The following DCAF1 variants were observed in gnomAD, a reference collection of about 807,000 sequenced individuals.
The protein encoded by DCAF1 is DDB1 and CUL4 associated factor 1, also known as DDB1- and CUL4-associated factor 1.
In DCAF1, 15 loss-of-function variants were observed where a neutral mutation model predicts 128.0. The ratio of observed to expected loss-of-function variants is 0.12; its 90% CI spans 0.08 to 0.18. DCAF1 has a LOEUF of 0.18. Ranked by LOEUF, DCAF1 falls within the 10% of genes least tolerant of loss-of-function variation. DCAF1 has a pLI of 1.00. For missense variants in DCAF1, 988 were observed against 1,649.5 expected (o/e 0.60, Z 6.95); for synonymous variants, 610 against 603.0 (o/e 1.01, Z -0.17).
At chr3:51,409,230 A>G (rs782064533) in intron 23 of DCAF1, among the ~76,000 whole-genome samples, 8 of 152,204 alleles carry the variant, frequency 5.3e-5, no homozygotes, top group Non-Finnish European at 7.3e-5. Context: ...GGATAAGAGG[A>G]GTATAACTCT....
At chr3:51,428,632 G>A (rs1437298712) in intron 12 of DCAF1, among the ~76,000 whole-genome samples, 1 of 152,138 alleles carries the variant, frequency 6.6e-6, no homozygotes, top group African/African-American at 2.4e-5. Context: ...ATAGTGAAGT[G>A]GAGTTATAAA....
rs781943698 is a variant in DCAF1, at chr3:51,413,925, A to AT, written c.3931+24_3931+25insA. The AT allele has an allele frequency of 1.6e-5, 24 of 1,475,988 alleles. No individual in the cohort carries two copies. In the South Asian group the frequency reaches 3.4e-4, roughly 21 times the overall value. 91.4% of individuals were successfully genotyped at this position (1,475,988 alleles called of 1,614,324 possible). A position where few individuals can be genotyped will look rare whatever the true frequency, so the allele number is the denominator to read the frequency against. On this transcript the variant is annotated intron_variant, in intron 20 of 24. Coordinates refer to ENST00000684031, the MANE Select transcript of DCAF1 (RefSeq NM_001387579.1). ...GAAGGGGTAGAGCAAAAGGAAAGAGAATAATGAAGGATAAGGTTTATTACC... is the reference window on the plus strand; with the variant it reads ...GAAGGGGTAGAGCAAAAGGAAAGAGATATAATGAAGGATAAGGTTTATTACC...
intron 2 of DCAF1, among the ~76,000 whole-genome samples, chr3:51,484,369 A>G (rs1706659425): frequency 6.6e-6 from 1 of 151,952 alleles, no homozygotes; most frequent in Admixed American, 6.6e-5. Flanking sequence ...GCTACTTGGG[A>G]GGCTGAGGCA....
At chr3:51,419,127 G>A (rs116257011) in intron 15 of DCAF1, among the ~76,000 whole-genome samples, 1,801 of 152,192 alleles carry the variant, frequency 0.012, 28 homozygotes, top group African/African-American at 0.041. Context: ...TTGGGAGGCC[G>A]AAGGGGGGGT....
At chr3:51,469,485 C>T (rs189679500) in intron 4 of DCAF1, among the ~76,000 whole-genome samples, 200 of 151,984 alleles carry the variant, frequency 1.3e-3, no homozygotes, top group African/African-American at 4.4e-3. Context: ...CTGCCTCGGC[C>T]TCCCAAAGTG....
chr3:51,450,500 ACAAGT>A (rs1483802404), intron 6 of DCAF1, among the ~76,000 whole-genome samples: 2 of 152,266 alleles, frequency 1.3e-5, no homozygotes, highest in Non-Finnish European at 2.9e-5. Context: ...AAAAATGTTG[ACAAGT>A]CAATACCCTG....
At chr3:51,460,726 G>T (rs1703458052) in intron 6 of DCAF1, among the ~76,000 whole-genome samples, 1 of 152,116 alleles carries the variant, frequency 6.6e-6, no homozygotes, top group African/African-American at 2.4e-5. Context: ...TAGACCAATG[G>T]AACAGAATAG....
chr3:51,409,561 C>T (rs138091505), intron 23 of DCAF1, among the ~76,000 whole-genome samples: 1,817 of 152,304 alleles, frequency 0.012, 15 homozygotes, highest in Non-Finnish European at 0.015. Context: ...TATGCTTCAA[C>T]ATGTAACATC....
intron 7 of DCAF1, among the ~76,000 whole-genome samples, chr3:51,443,319 G>A (rs1488920436): frequency 2.6e-5 from 4 of 152,178 alleles, no homozygotes; most frequent in South Asian, 2.1e-4. Context: ...TGCCAGACAC[G>A]GTGGCTCACG....
upstream of DCAF1, among the ~76,000 whole-genome samples, chr3:51,500,189 C>A (rs976698540): frequency 6.7e-6 from 1 of 149,180 alleles, no homozygotes; most frequent in Admixed American, 6.7e-5. Context: ...AATGAAGTTC[C>A]GCGTCTAGGG....
At chr3:51,483,438 TCAAAAAA>T (rs1706506262) in intron 3 of DCAF1, among the ~76,000 whole-genome samples, 1 of 144,396 alleles carries the variant, frequency 6.9e-6, no homozygotes, top group Non-Finnish European at 1.5e-5. Context: ...AAACTCTGAC[TCAAAAAA>T]AAAAAATTAA....
Position 51,420,070 on chromosome 3 carries a change from C to T in DCAF1, c.2900G>A (p.Cys967Tyr), listed in dbSNP as rs1699256325. ...CAACACTCTGATTTTCCTGCCATTG[C>T]AGGGTGATGGCCTCTCTCTGATAAA... is the stretch of plus-strand genomic sequence containing the variant. ...ISFIRERPSP[C>Y]NGRKIRVLRQ... Residue 967 changes from cysteine (C) to tyrosine (Y), a missense_variant, in exon 15 of 25, where the codon TGC becomes TAC. Coordinates refer to ENST00000684031, the MANE Select transcript of DCAF1 (RefSeq NM_001387579.1). The surrounding 1 kb of genome is among the most constrained non-coding windows in gnomAD (Gnocchi z 6.5). 2 of 1,613,888 alleles carry T rather than the reference C, an allele frequency of 1.2e-6. No homozygotes were observed. Among genetic ancestry groups the T allele is most frequent in the Non-Finnish European group, 1.7e-6 (2 of 1,179,908 alleles).
intron 6 of DCAF1, among the ~76,000 whole-genome samples, chr3:51,450,563 T>C (rs1464344167): frequency 6.6e-6 from 1 of 152,178 alleles, no homozygotes; most frequent in African/African-American, 2.4e-5. Context: ...ATCAGCATAA[T>C]AAAGGCCATT....
chr3:51,482,078 G>A (rs1553653023), intron 3 of DCAF1, among the ~76,000 whole-genome samples: 3 of 152,108 alleles, frequency 2.0e-5, no homozygotes, highest in Admixed American at 6.6e-5. Context: ...ATTAAGTTAT[G>A]AATAAATGAG....
chr3:51,438,667 A>C (rs1376976940), intron 9 of DCAF1, among the ~76,000 whole-genome samples: 1 of 152,264 alleles, frequency 6.6e-6, no homozygotes, highest in Non-Finnish European at 1.5e-5. Context: ...GCTGGAATGC[A>C]ATGGCACGAT....
At chr3:51,429,991 G>A (rs1553635134) in intron 11 of DCAF1, 42 bp downstream of exon 11, 1 of 772,568 alleles carries the variant, frequency 1.3e-6, no homozygotes. Context: ...AAGACAACCA[G>A]GACCCTCAAT....
At chr3:51,434,077 G>A (rs1247245667) in intron 9 of DCAF1, among the ~76,000 whole-genome samples, 15 of 147,212 alleles carry the variant, frequency 1.0e-4, no homozygotes, top group African/African-American at 3.3e-4. Flanking sequence ...AGGAGACCCT[G>A]TCTCAAAAAA....
chr3:51,459,326 C>T (rs1325548325), intron 6 of DCAF1, among the ~76,000 whole-genome samples: 3 of 152,096 alleles, frequency 2.0e-5, no homozygotes, highest in Non-Finnish European at 4.4e-5. Flanking sequence ...ATAAATTCCT[C>T]GACACATACA....
chr3:51,500,812 CTTT>C (rs3051029), upstream of DCAF1, among the ~76,000 whole-genome samples: 3 of 128,650 alleles, frequency 2.3e-5, no homozygotes, highest in Non-Finnish European at 3.2e-5. Context: ...TTTTCTCTGT[CTTT>C]TTTTTTTTTT....
Sources: allele counts gnomAD v4.1 joint callset (sites outside exome capture counted in the v4.1 genomes callset), GRCh38; gene constraint gnomAD v4.1.1; non-coding constraint Gnocchi (gnomAD v3.1); transcripts MANE v1.5; gene names NCBI Gene and HGNC (gene_info 2026-07-23, HGNC 2026-07-21).